The following ECM2 variants were observed in gnomAD, a reference collection of about 807,000 sequenced individuals.
ECM2 encodes the protein extracellular matrix protein 2, female organ and adipocyte specific.
Under a neutral mutation model 67.5 loss-of-function variants are expected in ECM2, and 57 were observed. The ratio of observed to expected loss-of-function variants is 0.84; its 90% CI spans 0.68 to 1.05. The LOEUF (loss-of-function observed/expected upper bound fraction) is 1.05. Among genes scored for constraint, ECM2 ranks in the 50% least tolerant of loss-of-function variants. The pLI, the probability that ECM2 is intolerant of heterozygous loss-of-function variation, is 0.00. For synonymous variants in ECM2, 258 were observed against 294.5 expected (o/e 0.88, Z 1.27); for missense variants, 741 against 822.8 (o/e 0.90, Z 1.22).
At chr9:92,507,103 A>G (rs1263578293) in intron 6 of ECM2, among the ~76,000 whole-genome samples, 2 of 152,064 alleles carry the variant, frequency 1.3e-5, no homozygotes, top group African/African-American at 4.8e-5. Context: ...ACCCTGGACA[A>G]CAACGTCTGG....
At chr9:92,506,340 C>T (rs1847005888) in intron 6 of ECM2, among the ~76,000 whole-genome samples, 1 of 152,268 alleles carries the variant, frequency 6.6e-6, no homozygotes, top group East Asian at 1.9e-4. Context: ...AAAAATTCTC[C>T]ATGCATTCAG....
chr9:92,525,495 C>T (rs889956529), intron 1 of ECM2, among the ~76,000 whole-genome samples: 1 of 152,172 alleles, frequency 6.6e-6, no homozygotes, highest in African/African-American at 2.4e-5. Context: ...CTGAAAATCT[C>T]TTATTGCCTA....
intron 1 of ECM2, among the ~76,000 whole-genome samples, chr9:92,527,762 C>G: frequency 6.6e-6 from 1 of 151,564 alleles, no homozygotes; most frequent in Admixed American, 6.5e-5. Flanking sequence ...TAGTAGAAAC[C>G]TACAATGGTA....
chr9:92,512,064 C>G lies in ECM2; in HGVS notation c.1117G>C (p.Asp373His). ...FNGLPNLERL[D>H]LSKNNITSSG... ...GAAGTGATATTATTTTTACTCAGAT[C>G]AAGCCTTTCCAAATTTGGTAATCCA... Residue 373 changes from aspartate to histidine, a missense_variant, in exon 5 of 10, where the codon GAT becomes CAT. Asp to His is a moderately conservative substitution (Grantham distance 81). Transcript: ENST00000344604. 1 of 1,613,814 alleles carries G rather than the reference C, an allele frequency of 6.2e-7. No individual in the cohort carries two copies. Among genetic ancestry groups the G allele is most frequent in the Non-Finnish European group, 8.5e-7 (1 of 1,179,834 alleles).
chr9:92,506,076 T>C (rs912122891), intron 6 of ECM2, among the ~76,000 whole-genome samples: 3 of 152,132 alleles, frequency 2.0e-5, no homozygotes, highest in African/African-American at 7.2e-5. Context: ...AATAGAAAGT[T>C]GTGGACAGTC....
intron 1 of ECM2, among the ~76,000 whole-genome samples, chr9:92,534,394 C>G (rs1332531213): frequency 6.6e-6 from 1 of 152,180 alleles, no homozygotes; most frequent in Non-Finnish European, 1.5e-5. Context: ...AGTTCATAGT[C>G]TGACTTGCCA....
upstream of ECM2, chr9:92,536,508 G>C (rs1420324770): frequency 6.5e-6 from 1 of 153,088 alleles, no homozygotes; most frequent in South Asian, 2.1e-4. Flanking sequence ...ACAAAAAAAT[G>C]GTTACGTATT....
chr9:92,540,764 C>T (rs1849299901), upstream of ECM2, among the ~76,000 whole-genome samples: 1 of 128,482 alleles, frequency 7.8e-6, no homozygotes, highest in Non-Finnish European at 1.6e-5. Flanking sequence ...GAGCACGACT[C>T]TGTCTCAAAA....
chr9:92,516,569 G>C (rs963638769), intron 3 of ECM2: 3 of 152,076 alleles, frequency 2.0e-5, no homozygotes, highest in African/African-American at 4.8e-5. Context: ...AGAAGAATAG[G>C]AAAAAGTTAG....
chr9:92,501,238 C>T (rs1441949832), intron 8 of ECM2, among the ~76,000 whole-genome samples, 185 bp from the exon 9 acceptor site: 1 of 152,156 alleles, frequency 6.6e-6, no homozygotes, highest in Non-Finnish European at 1.5e-5. Flanking sequence ...AGCTGCATGT[C>T]CTTACCAGGG....
At chr9:92,503,305 A>G (rs1400445092) in intron 7 of ECM2, among the ~76,000 whole-genome samples, 1 of 152,196 alleles carries the variant, frequency 6.6e-6, no homozygotes, top group Non-Finnish European at 1.5e-5. Context: ...TTTAATCTCT[A>G]CTTACCAGTG....
chr9:92,518,290 C>T (rs1447922224), intron 2 of ECM2, among the ~76,000 whole-genome samples: 1 of 152,200 alleles, frequency 6.6e-6, no homozygotes, highest in Non-Finnish European at 1.5e-5. Flanking sequence ...GTCCTGATCA[C>T]TGCGGTAGTG....
chr9:92,510,345 T>C (rs1847260839), intron 5 of ECM2, among the ~76,000 whole-genome samples: 1 of 152,254 alleles, frequency 6.6e-6, no homozygotes, highest in African/African-American at 2.4e-5. Flanking sequence ...TCTTGCTAGA[T>C]CTTAGGTTTC....
the ECM2 span, among the ~76,000 whole-genome samples, chr9:92,551,345 T>C: frequency 1.5e-4 from 23 of 152,150 alleles, no homozygotes; most frequent in African/African-American, 5.3e-4. Flanking sequence ...GTCTGATGCT[T>C]TTTGTTTTTT....
chr9:92,526,886 G>A (rs1341123678), intron 1 of ECM2, among the ~76,000 whole-genome samples: 1 of 152,118 alleles, frequency 6.6e-6, no homozygotes, highest in Non-Finnish European at 1.5e-5. Context: ...CTGACTCACC[G>A]GAGTGACTTC....
chr9:92,505,588 C>T lies in ECM2; in HGVS notation c.1409G>A (p.Arg470His), dbSNP rs763096769. The change falls in exon 7 of 10, where the codon CGT becomes CAT. Residue 470 changes from arginine (R) to histidine (H), a missense_variant. Physicochemically the swap from Arg to His is conservative, Grantham distance 29. Transcript: ENST00000344604. ...FKPLKSLAYL[R>H]LGKNKFRIIP... is the part of the protein sequence containing the mutation. ...AATTCTAAATTTATTTTTTCCCAGA[C>T]GCAAGTAGGCTAGGCTCTTCAAAGG... 24 of 1,609,022 alleles carry T rather than the reference C, an allele frequency of 1.5e-5. No homozygotes were observed. Among genetic ancestry groups the T allele is most frequent in the South Asian group, 7.8e-5 (7 of 89,182 alleles).
intron 5 of ECM2, among the ~76,000 whole-genome samples, chr9:92,510,351 G>A (rs1847261675): frequency 6.6e-6 from 1 of 152,196 alleles, no homozygotes; most frequent in Non-Finnish European, 1.5e-5. Context: ...TAGATCTTAG[G>A]TTTCCACCTT....
At chr9:92,510,315 A>G (rs1232946072) in intron 5 of ECM2, among the ~76,000 whole-genome samples, 1 of 152,278 alleles carries the variant, frequency 6.6e-6, no homozygotes, top group Non-Finnish European at 1.5e-5. Flanking sequence ...GAAAGCTGCC[A>G]TAACTACTGG....
In ECM2 at chr9:92,505,641, T is replaced by A; in HGVS notation, c.1356A>T (p.Glu452Asp). Residue 452 changes from glutamate to aspartate, a missense_variant, in exon 7 of 10, where the codon GAA (glutamate) becomes GAT (aspartate). Glu to Asp is a conservative substitution (Grantham distance 45). Coordinates refer to ENST00000344604, the MANE Select transcript of ECM2 (RefSeq NM_001393.4). ...TGAAAGCTAAAGGATTGACATTGGCTTCACTGAGATTGTTTCCTTCCAATT... is the reference window on the plus strand; with the variant it reads ...TGAAAGCTAAAGGATTGACATTGGCATCACTGAGATTGTTTCCTTCCAATT... Reference protein sequence around the residue: ...TLELEGNNLSEANVNPLAFKP... With the variant: ...TLELEGNNLSDANVNPLAFKP... 6.2e-7 allele frequency: 1 copy of A among 1,608,190 alleles called. No homozygotes were observed. Among genetic ancestry groups the A allele is most frequent in the Admixed American group, 1.7e-5 (1 of 58,532 alleles).
Sources: gnomAD v4.1 joint callset for allele counts (sites outside exome capture counted in the v4.1 genomes callset) on GRCh38, gnomAD v4.1.1 for gene constraint, MANE v1.5 for transcripts, NCBI Gene and HGNC (gene_info 2026-07-23, HGNC 2026-07-21) for gene names.